Variants in PATL1 observed in about 807,000 individuals in gnomAD.
PATL1 encodes the protein PAT1 homolog 1, processing body mRNA decay factor.
A neutral mutation model predicts 100.6 loss-of-function variants in PATL1; 32 were observed. That is an observed-to-expected ratio of 0.32 (90% confidence interval 0.24 to 0.43). The LOEUF (loss-of-function observed/expected upper bound fraction) is 0.43. PATL1 is among the 20% of genes least tolerant of loss of function. The pLI is 1.00. For missense variants in PATL1, 747 were observed against 949.9 expected (o/e 0.79, Z 2.81); for synonymous variants, 332 against 330.0 (o/e 1.01, Z -0.07).
intron 9 of PATL1, 111 bp downstream of exon 9, chr11:59,653,872 G>T: frequency 2.3e-6 from 2 of 860,572 alleles, no homozygotes; most frequent in African/African-American, 1.7e-5. Context: ...CAGGTTTATG[G>T]ATATGAAGTA....
chr11:59,651,268 AT>A (rs975111911), intron 12 of PATL1, among the ~76,000 whole-genome samples: 16 of 152,086 alleles, frequency 1.1e-4, no homozygotes, highest in Non-Finnish European at 1.8e-4. Context: ...GAAAATGATA[AT>A]TTTTTTAACA....
chr11:59,647,637 CA>C (rs1861382612), intron 15 of PATL1, 116 bp downstream of exon 15: 1 of 1,087,078 alleles, frequency 9.2e-7, no homozygotes. Context: ...TCAAATCACA[CA>C]GCCAAAGATT....
At chr11:59,643,745 C>T (rs1039265154) in intron 15 of PATL1, among the ~76,000 whole-genome samples, 6 of 151,966 alleles carry the variant, frequency 3.9e-5, no homozygotes, top group Non-Finnish European at 5.9e-5. Flanking sequence ...TTTATAAAAG[C>T]TCAATGAGGA....
chr11:59,650,745 TA>T lies in PATL1; in HGVS notation c.1584+8del, dbSNP rs1205934806. ...TGAAACTAACTACAGCAACAAATTC[TA>T]AACTTACTTTCTCAATTATAACAAG... On this transcript the variant is annotated splice_region_variant and intron_variant, in intron 13 of 18. Transcript: ENST00000300146. 1 of 1,542,126 alleles carries T rather than the reference TA, an allele frequency of 6.5e-7. No individual in the cohort carries two copies. Among genetic ancestry groups the T allele is most frequent in the Non-Finnish European group, 8.8e-7 (1 of 1,139,838 alleles).
intron 2 of PATL1, among the ~76,000 whole-genome samples, chr11:59,660,278 G>A (rs1008554777): frequency 5.9e-5 from 9 of 152,102 alleles, no homozygotes; most frequent in African/African-American, 9.7e-5. Flanking sequence ...TGTTTTAGAC[G>A]CATGGGATAC....
At position 59,647,751 on chromosome 11, in the gene PATL1, C is replaced by T. The variant is rs370566686; in HGVS notation, c.1893+3G>A. On this transcript the variant is annotated splice_donor_region_variant and intron_variant, in intron 15 of 18. Transcript: ENST00000300146. ...AGAAAGATGTCCCATCTTGCATAGT[C>T]ACCTCATCTTGTGCATCCTTCTTGA... 6.2e-6 allele frequency: 10 copies of T among 1,613,678 alleles called. No homozygotes were observed. The highest frequency in any genetic ancestry group is 8.5e-6 in the Non-Finnish European group (10 of 1,179,782).
At chr11:59,666,655 A>G (rs1331578658) in intron 2 of PATL1, among the ~76,000 whole-genome samples, 198 bp downstream of exon 2, 3 of 152,228 alleles carry the variant, frequency 2.0e-5, no homozygotes, top group African/African-American at 7.2e-5. Flanking sequence ...TTTTATAGGT[A>G]AGGCAAAAAG....
intron 9 of PATL1, 148 bp from the exon 10 acceptor site, chr11:59,653,166 T>C: frequency 1.5e-6 from 1 of 663,182 alleles, no homozygotes; most frequent in Non-Finnish European, 2.5e-6. Flanking sequence ...AACTAAGTCT[T>C]AATAGAATTT....
At chr11:59,642,654 A>C in intron 16 of PATL1, 5 of 419,812 alleles carry the variant, frequency 1.2e-5, no homozygotes, top group Non-Finnish European at 2.1e-5. Flanking sequence ...TGGATCCCTG[A>C]TGACTCTGTC....
chr11:59,639,277 A>G lies in PATL1; in HGVS notation c.2141+15T>C. The G allele has an allele frequency of 6.4e-7, 1 of 1,558,918 alleles. No homozygotes were observed. The highest frequency in any genetic ancestry group is 8.7e-7 in the Non-Finnish European group (1 of 1,151,078). ...CAAAGAACTTAAAATAAGAGAAGAA[A>G]CAGTCCACACTGACCACTGATTATT... is the stretch of plus-strand genomic sequence containing the variant. On this transcript the variant is annotated intron_variant, in intron 17 of 18. Coordinates refer to ENST00000300146, the MANE Select transcript of PATL1 (RefSeq NM_152716.3).
chr11:59,658,002 A>G (rs1342478474), intron 4 of PATL1, among the ~76,000 whole-genome samples: 1 of 151,612 alleles, frequency 6.6e-6, no homozygotes, highest in Non-Finnish European at 1.5e-5. Flanking sequence ...CATCTATACA[A>G]AAATAAAAAA....
rs1376386924 is a variant in PATL1, at chr11:59,637,833, G to A, written c.*557C>T. ...CATCAGCTGGTTTGTGTTTAGAAGA[G>A]GTAATGAGACAACTAAATATTTTTC... On this transcript the variant is annotated 3_prime_UTR_variant, in exon 19 of 19. Coordinates refer to ENST00000300146, the MANE Select transcript of PATL1 (RefSeq NM_152716.3). The A allele has an allele frequency of 6.5e-6, 1 of 153,770 alleles. No homozygotes were observed. The highest frequency in any genetic ancestry group is 1.9e-4 in the East Asian group (1 of 5,256). The allele number at this position is 153,770 out of a possible 1,614,324, so 9.5% of individuals were successfully genotyped here.
At chr11:59,641,117 G>A (rs1452724892) in intron 16 of PATL1, among the ~76,000 whole-genome samples, 2 of 151,912 alleles carry the variant, frequency 1.3e-5, no homozygotes, top group Non-Finnish European at 2.9e-5. Context: ...GTTGCAGTGA[G>A]ACAAGATATC....
At chr11:59,668,554 G>A (rs1282251480) in intron 1 of PATL1, among the ~76,000 whole-genome samples, 1 of 151,782 alleles carries the variant, frequency 6.6e-6, no homozygotes, top group East Asian at 1.9e-4. Context: ...AAAGCACCCG[G>A]GGAGATGCAG....
rs1276015678 is a variant in PATL1 at position 59,655,769 on chromosome 11, A to G, written c.814-29T>C. ...CAAAGAGGAAGAAGATCTTAGATTT[A>G]GACAATCAGCAAGTCCCCTTGCTTT... On this transcript the variant is annotated intron_variant, in intron 7 of 18. Transcript: ENST00000300146. 2.6e-6 allele frequency: 4 copies of G among 1,543,238 alleles called. No homozygotes were observed. The Admixed American group carries it at 5.8e-5, about 22-fold the overall frequency.
rs77793148 is a variant in PATL1 at position 59,643,006 on chromosome 11, A to G, written c.1923T>C (p.Ser641=). The G allele has an allele frequency of 5.0e-5, 81 of 1,613,944 alleles. 1 individual carries two copies. In the East Asian group the frequency reaches 1.7e-3, roughly 34 times the overall value. ...EVLPCLLSPF[S]LLLYHLPSVS... Reference sequence around the variant, plus strand: ...CTGATGGAAGATGATAGAGAAGGAGAGAGAAGGGACTCAGTAAGCATGGCA... The same window carrying G: ...CTGATGGAAGATGATAGAGAAGGAGGGAGAAGGGACTCAGTAAGCATGGCA... The change falls in exon 16 of 19, where the codon TCT becomes TCC. Residue 641 remains serine, a synonymous_variant. Coordinates refer to ENST00000300146, the MANE Select transcript of PATL1 (RefSeq NM_152716.3).
At chr11:59,658,163 CAAA>C (rs746089908) in intron 4 of PATL1, among the ~76,000 whole-genome samples, 4 of 107,954 alleles carry the variant, frequency 3.7e-5, no homozygotes, top group Non-Finnish European at 3.7e-5. Context: ...GACCTGGTCT[CAAA>C]AAAAAAAAAA....
chr11:59,656,530 C>G lies in PATL1; in HGVS notation c.692G>C (p.Arg231Thr), dbSNP rs1336168065. The G allele has an allele frequency of 6.2e-7, 1 of 1,613,950 alleles. No individual in the cohort carries two copies. ...PPRYPAPYGE[R>T]MSPNQLCSVP... ...ACTGCAGAGCTGGTTTGGAGACATCCTCTCACCATAGGGAGCAGGATAACG... is the reference window on the plus strand; with the variant it reads ...ACTGCAGAGCTGGTTTGGAGACATCGTCTCACCATAGGGAGCAGGATAACG... The change falls in exon 6 of 19, where the codon AGG becomes ACG. Residue 231 changes from arginine to threonine, a missense_variant. By Grantham distance (71) the Arg-to-Thr change is moderately conservative. Transcript: ENST00000300146.
At position 59,647,694 on chromosome 11, in the gene PATL1, T is replaced by C. The variant is rs920084079; in HGVS notation, c.1893+60A>G. The C allele has an allele frequency of 9.1e-6, 14 of 1,536,702 alleles. No individual in the cohort carries two copies. The South Asian group carries it at 1.4e-4, about 15-fold the overall frequency. On this transcript the variant is annotated intron_variant, in intron 15 of 18. Transcript: ENST00000300146. ...AGAGGAGAGGAAAATAAGTTTGCAT[T>C]CTAGAAATCTTATCACTTATAAAGA...
Sources: allele counts gnomAD v4.1 joint callset (sites outside exome capture counted in the v4.1 genomes callset), GRCh38; gene constraint gnomAD v4.1.1; transcripts MANE v1.5; gene names NCBI Gene and HGNC (gene_info 2026-07-23, HGNC 2026-07-21).